Variants in HNRNPK observed in about 807,000 individuals in gnomAD.
The protein encoded by HNRNPK is dC-stretch binding protein.
In HNRNPK, 7 loss-of-function variants were observed where a neutral mutation model predicts 67.0. That is an observed-to-expected ratio of 0.10 (90% CI 0.06 to 0.20). HNRNPK has a LOEUF of 0.20. Among genes scored for constraint, HNRNPK ranks in the 10% least tolerant of loss-of-function variants. The probability of loss-of-function intolerance (pLI) is 1.00; values close to 1 mark genes in which losing one functional copy is unlikely to be tolerated. For synonymous variants in HNRNPK, 213 were observed against 193.7 expected (o/e 1.10, Z -0.83); for missense variants, 264 against 606.5 (o/e 0.44, Z 5.93).
chr9:83,971,532 C>G (rs867294645), intron 12 of HNRNPK, 140 bp downstream of exon 12: 8 of 830,382 alleles, frequency 9.6e-6, no homozygotes, highest in African/African-American at 5.1e-5. Flanking sequence ...CAGCAAATAA[C>G]AGAATTATTT....
chr9:83,975,595 G>T, intron 5 of HNRNPK, 90 bp from the exon 6 acceptor site: 1 of 1,153,992 alleles, frequency 8.7e-7, no homozygotes, highest in Non-Finnish European at 1.3e-6. Flanking sequence ...TTGGCAACGA[G>T]CACATTTTTG....
In HNRNPK at chr9:83,970,695, T is replaced by C. The variant is rs1489210615; in HGVS notation, c.1191+42A>G. ...AATATACAGAAAGGAGGAATAATCATAAAAGTGATAAAATGTTCCTGGTAG... is the reference window on the plus strand; with the variant it reads ...AATATACAGAAAGGAGGAATAATCACAAAAGTGATAAAATGTTCCTGGTAG... On this transcript the variant is annotated intron_variant, in intron 15 of 16. Coordinates refer to ENST00000376263, the MANE Select transcript of HNRNPK (RefSeq NM_031263.4). The C allele has an allele frequency of 1.4e-5, 16 of 1,184,384 alleles. No homozygotes were observed. In the South Asian group the frequency reaches 1.7e-4, roughly 12 times the overall value. 73.4% of individuals were successfully genotyped at this position (1,184,384 alleles called of 1,614,324 possible). A position where few individuals can be genotyped will look rare whatever the true frequency, so the allele number is the denominator to read the frequency against.
At chr9:83,974,765 A>G (rs1957001561) in intron 6 of HNRNPK, 176 bp from the exon 7 acceptor site, 5 of 581,412 alleles carry the variant, frequency 8.6e-6, no homozygotes, top group Non-Finnish European at 1.5e-5. Context: ...TTTATACCCA[A>G]TACAGACATG....
At chr9:83,976,868 A>G (rs997910187) in intron 5 of HNRNPK, 127 bp downstream of exon 5, 2 of 586,150 alleles carry the variant, frequency 3.4e-6, no homozygotes, top group Non-Finnish European at 5.9e-6. Context: ...CAATTCTGTA[A>G]TAATAAATTA....
At chr9:83,970,571 T>C in intron 15 of HNRNPK, 166 bp downstream of exon 15, 3 of 657,410 alleles carry the variant, frequency 4.6e-6, no homozygotes, top group East Asian at 5.4e-5. Flanking sequence ...CACTGATCAC[T>C]TGACAAGACT....
chr9:83,974,470 A>C, intron 7 of HNRNPK, 47 bp downstream of exon 7: 1 of 905,508 alleles, frequency 1.1e-6, no homozygotes, highest in Non-Finnish European at 1.8e-6. Context: ...TACTTTAAAC[A>C]TTCCCCCCTC....
chr9:83,977,194 C>T (rs2133059411), intron 4 of HNRNPK, 143 bp from the exon 5 acceptor site: 1 of 623,854 alleles, frequency 1.6e-6, no homozygotes, highest in Non-Finnish European at 2.9e-6. Flanking sequence ...AACGACCAGG[C>T]CAAAACCAAA....
rs1956866058 is a variant in HNRNPK, at chr9:83,971,958, G to A, written c.877C>T (p.Pro293Ser). Residue 293 changes from proline to serine, a missense_variant, in exon 11 of 17, where the codon CCT becomes TCT. Transcript: ENST00000376263. ...CCACCCCGGCCGCCTCGTCCGGGAG[G>A]AGGGGGAGGTGGTCCTCGACGAGGG... ...MSPRRGPPPP[P>S]PGRGGRGGSR... The A allele has an allele frequency of 2.5e-6, 4 of 1,603,388 alleles. No homozygotes were observed. Among genetic ancestry groups the A allele is most frequent in the African/African-American group, 1.3e-5 (1 of 74,660 alleles).
chr9:83,976,191 A>G (rs978734385), intron 5 of HNRNPK, among the ~76,000 whole-genome samples: 7 of 152,236 alleles, frequency 4.6e-5, no homozygotes, highest in Non-Finnish European at 1.0e-4. Context: ...TTTCAAGTTC[A>G]GTTTACAGTA....
intron 11 of HNRNPK, 24 bp downstream of exon 11, chr9:83,971,858 A>G: frequency 6.4e-7 from 1 of 1,557,534 alleles, no homozygotes; most frequent in Non-Finnish European, 8.7e-7. Flanking sequence ...AGAAAAAACA[A>G]CAACAACAAA....
intron 6 of HNRNPK, 43 bp downstream of exon 6, chr9:83,975,415 TTCTC>T: frequency 6.4e-7 from 1 of 1,553,900 alleles, no homozygotes; most frequent in Non-Finnish European, 8.9e-7. Context: ...TAAAATACAT[TTCTC>T]TCTTTCTAAT....
intron 1 of HNRNPK, among the ~76,000 whole-genome samples, chr9:83,979,719 C>A (rs1214759933): frequency 1.3e-5 from 2 of 151,990 alleles, no homozygotes; most frequent in Non-Finnish European, 2.9e-5. Context: ...AGGTCTCATC[C>A]CCCGCATCCT....
chr9:83,974,375 C>T (rs1588425087), intron 7 of HNRNPK, 142 bp downstream of exon 7: 1 of 453,762 alleles, frequency 2.2e-6, no homozygotes, highest in Middle Eastern at 5.7e-4. Flanking sequence ...TACGCATGTA[C>T]AAAATTATGT....
intron 14 of HNRNPK, 31 bp from the exon 15 acceptor site, chr9:83,970,850 T>A (rs1183890851): frequency 6.2e-7 from 1 of 1,607,648 alleles, no homozygotes; most frequent in Non-Finnish European, 8.5e-7. Flanking sequence ...TAAGTTCATT[T>A]AAAAAGTATG....
At chr9:83,978,314 T>C (rs1554702126) in intron 2 of HNRNPK, 35 bp from the exon 3 acceptor site, 6 of 1,545,000 alleles carry the variant, frequency 3.9e-6, no homozygotes, top group Non-Finnish European at 4.3e-6. Context: ...ACATTTGGCT[T>C]ATTGGAAAGC....
intron 16 of HNRNPK, 103 bp downstream of exon 16, chr9:83,970,057 AGG>A: frequency 1.1e-6 from 1 of 889,144 alleles, no homozygotes; most frequent in Non-Finnish European, 1.7e-6. Context: ...GGTCCCCAAA[AGG>A]TTGAGACACC....
At chr9:83,974,805 CAG>C (rs1957003995) in intron 6 of HNRNPK, among the ~76,000 whole-genome samples, 2 of 152,150 alleles carry the variant, frequency 1.3e-5, no homozygotes, top group African/African-American at 2.4e-5. Context: ...TGCAGAGAGA[CAG>C]AGAGAATGGG....
intron 1 of HNRNPK, 28 bp downstream of exon 1, chr9:83,980,125 G>C (rs1466566169): frequency 6.6e-6 from 1 of 152,642 alleles, no homozygotes; most frequent in Non-Finnish European, 1.5e-5. Flanking sequence ...TCACCTCCAC[G>C]AGCCGCTCCC....
rs1957134468 is a variant in HNRNPK, at chr9:83,977,684, T to C, written c.156+5A>G. ...CCTTCAAATTTTCAAGAATAAAATT[T>C]ATACCTTGCTCTGAAGCAGAATGCG... On this transcript the variant is annotated splice_donor_5th_base_variant and intron_variant, in intron 4 of 16. Transcript: ENST00000376263. 1 of 1,560,982 alleles carries C rather than the reference T, an allele frequency of 6.4e-7. No homozygotes were observed. Among genetic ancestry groups the C allele is most frequent in the Non-Finnish European group, 8.8e-7 (1 of 1,137,734 alleles).
Sources: allele counts gnomAD v4.1 joint callset (sites outside exome capture counted in the v4.1 genomes callset), GRCh38; gene constraint gnomAD v4.1.1; transcripts MANE v1.5; gene names NCBI Gene and HGNC (gene_info 2026-07-23, HGNC 2026-07-21).